Variants in ELP3 observed in about 807,000 individuals in gnomAD.
ELP3 encodes elongator complex protein 3.
ELP3 carries 56 observed loss-of-function variants against 74.9 expected under a neutral mutation model. The ratio of observed to expected loss-of-function variants is 0.75; its 90% CI spans 0.60 to 0.93. The LOEUF (loss-of-function observed/expected upper bound fraction) is 0.93, where lower values mean the gene tolerates loss of function less well. ELP3 is among the 40% of genes least tolerant of loss of function. ELP3 has a pLI of 0.00. For synonymous variants in ELP3, 222 were observed against 239.8 expected (o/e 0.93, Z 0.68); for missense variants, 573 against 686.5 (o/e 0.83, Z 1.85).
At chr8:28,133,972 T>C (rs1167875108) in intron 9 of ELP3, among the ~76,000 whole-genome samples, 1 of 152,164 alleles carries the variant, frequency 6.6e-6, no homozygotes, top group Non-Finnish European at 1.5e-5. Flanking sequence ...ATTATTATTA[T>C]ACTTTAAGTT....
intron 9 of ELP3, among the ~76,000 whole-genome samples, 162 bp downstream of exon 9, chr8:28,132,566 C>A (rs1201702911): frequency 2.0e-5 from 3 of 152,170 alleles, no homozygotes; most frequent in Non-Finnish European, 2.9e-5. Flanking sequence ...TCACCCATAG[C>A]CCCATCAGAC....
At chr8:28,094,171 C>T (rs1811160331) in intron 1 of ELP3, among the ~76,000 whole-genome samples, 1 of 152,200 alleles carries the variant, frequency 6.6e-6, no homozygotes, top group Non-Finnish European at 1.5e-5. Context: ...CTAACTTGCT[C>T]CTTCTCAATC....
intron 10 of ELP3, among the ~76,000 whole-genome samples, chr8:28,154,224 A>G (rs1460471161): frequency 1.3e-5 from 2 of 152,208 alleles, no homozygotes; most frequent in Non-Finnish European, 2.9e-5. Context: ...AAACAGAAAC[A>G]TGCATCAAAC....
In ELP3 at chr8:28,099,967, G is replaced by A. The variant is rs771218963; in HGVS notation, c.258+1G>A. ...GAAACCCATCAGAACTGCTAGTGGG[G>A]TGAGTGATTCGACTCATGAGGTATC... On this transcript the variant is annotated splice_donor_variant, in intron 3 of 14. Transcript: ENST00000256398. LOFTEE classifies it high-confidence loss of function. 6 of 1,614,036 alleles carry A rather than the reference G, an allele frequency of 3.7e-6. No individual in the cohort carries two copies. Among genetic ancestry groups the A allele is most frequent in the Non-Finnish European group, 5.1e-6 (6 of 1,180,040 alleles).
chr8:28,110,752 T>C (rs892146490), intron 6 of ELP3: 5 of 250,736 alleles, frequency 2.0e-5, no homozygotes, highest in Non-Finnish European at 3.8e-5. Flanking sequence ...AATGGGTGGG[T>C]GTGTTGACTT....
intron 1 of ELP3, among the ~76,000 whole-genome samples, chr8:28,094,618 GGAGGCTGAGGCT>G (rs147362056): frequency 1.3e-5 from 2 of 151,742 alleles, no homozygotes; most frequent in African/African-American, 2.4e-5. Flanking sequence ...CAGCTACTTG[GGAGGCTGAGGCT>G]GAGGCTGAGG....
At chr8:28,122,174 ATTG>A (rs1351641575) in intron 7 of ELP3, among the ~76,000 whole-genome samples, 3 of 152,134 alleles carry the variant, frequency 2.0e-5, no homozygotes, top group Non-Finnish European at 4.4e-5. Flanking sequence ...ATCTTTACAT[ATTG>A]TTGGATTCAA....
intron 3 of ELP3, among the ~76,000 whole-genome samples, chr8:28,103,360 G>T (rs1811567224): frequency 1.3e-5 from 2 of 152,238 alleles, no homozygotes; most frequent in South Asian, 4.1e-4. Flanking sequence ...ATTGAAGTCT[G>T]CCATGTCTTT....
intron 14 of ELP3, among the ~76,000 whole-genome samples, chr8:28,172,109 C>T (rs1335553987): frequency 6.6e-6 from 1 of 151,996 alleles, no homozygotes. Context: ...GCTTCTTTTT[C>T]AAGATTGTTT....
intron 10 of ELP3, among the ~76,000 whole-genome samples, chr8:28,152,862 A>C (rs954538406): frequency 2.0e-5 from 3 of 152,218 alleles, no homozygotes; most frequent in African/African-American, 7.2e-5. Flanking sequence ...GTTTTATTCT[A>C]ACAGTTGTGT....
intron 11 of ELP3, among the ~76,000 whole-genome samples, chr8:28,157,999 T>C (rs1813900862): frequency 2.7e-5 from 4 of 149,828 alleles, no homozygotes; most frequent in Admixed American, 2.7e-4. Flanking sequence ...CCTTCCTTCT[T>C]TCCTTCCTTC....
rs555087463 is a variant in ELP3 at position 28,173,834 on chromosome 8, A to G, written c.1567+11756A>G. Among the ~76,000 whole-genome samples, 10 of 151,556 alleles carry G rather than the reference A, an allele frequency of 6.6e-5. No individual in the cohort carries two copies. The South Asian group carries it at 1.0e-3, about 16-fold the overall frequency. The stretch of plus-strand genomic sequence containing the variant: ...TTTCATTTGCTGAAGGTGTTTTCCA[A>G]TTTTCCTTGTGATTTCTTCTTTAGC... On this transcript the variant is annotated intron_variant, in intron 14 of 14. Transcript: ENST00000256398.
chr8:28,163,322 C>T (rs895071662), intron 14 of ELP3, among the ~76,000 whole-genome samples: 6 of 152,080 alleles, frequency 3.9e-5, no homozygotes, highest in African/African-American at 1.2e-4. Context: ...AGCTAAAATA[C>T]GCCTTCTGAG....
intron 6 of ELP3, chr8:28,110,665 C>CT (rs879793123): frequency 1.3e-4 from 51 of 402,428 alleles, no homozygotes; most frequent in South Asian, 3.5e-4. Flanking sequence ...TTTATATTCT[C>CT]TAAGTTTTTT....
At chr8:28,129,044 T>C (rs976832241) in intron 7 of ELP3, among the ~76,000 whole-genome samples, 48 of 151,396 alleles carry the variant, frequency 3.2e-4, no homozygotes, top group African/African-American at 1.2e-3. Context: ...CCCTCCCCCC[T>C]TTTTTTTCTT....
Position 28,178,317 on chromosome 8 carries a change from T to C in ELP3, c.1568-11332T>C, listed in dbSNP as rs139101566. The stretch of plus-strand genomic sequence containing the variant: ...CATCGCACTCTCTAACCCCCACTTA[T>C]GTCAATAACCAGCATCCAAGAAGTG... On this transcript the variant is annotated intron_variant, in intron 14 of 14. Coordinates refer to ENST00000256398, the MANE Select transcript of ELP3 (RefSeq NM_018091.6). Among the ~76,000 whole-genome samples, 1,291 of 152,344 alleles carry C rather than the reference T, an allele frequency of 8.5e-3. 10 individuals carry two copies. The highest frequency in any genetic ancestry group is 0.011 in the Non-Finnish European group (738 of 68,030).
At chr8:28,124,547 T>C (rs1345007776) in intron 7 of ELP3, among the ~76,000 whole-genome samples, 1 of 152,254 alleles carries the variant, frequency 6.6e-6, no homozygotes, top group Non-Finnish European at 1.5e-5. Context: ...TTTTCTATAA[T>C]GTTTTTATGT....
chr8:28,164,492 G>C (rs1814229585), intron 14 of ELP3, among the ~76,000 whole-genome samples: 1 of 152,038 alleles, frequency 6.6e-6, no homozygotes, highest in African/African-American at 2.4e-5. Flanking sequence ...GGTTTCTCTG[G>C]GAACAGCCCT....
intron 7 of ELP3, among the ~76,000 whole-genome samples, chr8:28,122,703 C>T (rs1463028377): frequency 6.6e-6 from 1 of 152,134 alleles, no homozygotes; most frequent in African/African-American, 2.4e-5. Flanking sequence ...AGGGGTTTAT[C>T]AATTTTGTTG....
Sources: gnomAD v4.1 joint callset for allele counts (sites outside exome capture counted in the v4.1 genomes callset) on GRCh38, gnomAD v4.1.1 for gene constraint, MANE v1.5 for transcripts, NCBI Gene and HGNC (gene_info 2026-07-23, HGNC 2026-07-21) for gene names.